Variants in RANBP17 observed in about 807,000 individuals in gnomAD.
The protein encoded by RANBP17 is ran-binding protein 17.
A neutral mutation model predicts 141.2 loss-of-function variants in RANBP17; 158 were observed. The observed-to-expected ratio is 1.12, with a 90% CI of 0.98 to 1.28. RANBP17 has a LOEUF of 1.28. RANBP17 is among the 50% of genes most tolerant of loss of function. The pLI is 0.00. For synonymous variants in RANBP17, 430 were observed against 450.0 expected (o/e 0.96, Z 0.56); for missense variants, 1,438 against 1,290.7 (o/e 1.11, Z -1.75).
At chr5:171,000,658 G>A (rs182106957) in intron 14 of RANBP17, among the ~76,000 whole-genome samples, 3 of 152,232 alleles carry the variant, frequency 2.0e-5, no homozygotes, top group East Asian at 1.9e-4. Flanking sequence ...GGGTGCAGGC[G>A]GGCTGAGTCT....
intron 19 of RANBP17, among the ~76,000 whole-genome samples, chr5:171,201,505 T>C (rs1004456790): frequency 9.2e-5 from 14 of 152,234 alleles, no homozygotes; most frequent in Non-Finnish European, 1.8e-4. Context: ...TAAATGTTCA[T>C]CAAAAGACGC....
At chr5:171,293,226 G>A (rs1210066303) in intron 25 of RANBP17, among the ~76,000 whole-genome samples, 3 of 152,162 alleles carry the variant, frequency 2.0e-5, no homozygotes, top group Admixed American at 6.5e-5. Context: ...TCCCCCAGGA[G>A]GTTTCAAACT....
intron 5 of RANBP17, chr5:170,903,999 C>T: frequency 2.1e-6 from 1 of 483,506 alleles, no homozygotes; most frequent in East Asian, 5.2e-5. Flanking sequence ...AAGATTGGAT[C>T]AGATGTTTTC....
intron 14 of RANBP17, among the ~76,000 whole-genome samples, chr5:171,105,516 G>A (rs910197779): frequency 5.3e-5 from 8 of 151,682 alleles, no homozygotes; most frequent in African/African-American, 1.9e-4. Context: ...AGGGAACATA[G>A]CAAAAACCTG....
intron 14 of RANBP17, among the ~76,000 whole-genome samples, chr5:171,139,255 C>A (rs1277216698): frequency 6.6e-6 from 1 of 152,070 alleles, no homozygotes; most frequent in Non-Finnish European, 1.5e-5. Context: ...CCTCATTTGG[C>A]AGATTAGAAT....
intron 14 of RANBP17, among the ~76,000 whole-genome samples, chr5:171,051,199 G>A (rs1782928444): frequency 5.3e-5 from 8 of 152,030 alleles, no homozygotes; most frequent in Admixed American, 5.2e-4. Context: ...GTAAGTTTAT[G>A]TATTTTGCTG....
intron 14 of RANBP17, among the ~76,000 whole-genome samples, chr5:171,087,256 C>G (rs1313389476): frequency 6.6e-6 from 1 of 152,174 alleles, no homozygotes; most frequent in African/African-American, 2.4e-5. Flanking sequence ...TGTTCAGTTT[C>G]CATGTAGTTG....
rs551142246 is a variant in RANBP17, at chr5:170,964,595, T to C, written c.1575-3647T>C. On this transcript the variant is annotated intron_variant, in intron 13 of 27. Coordinates refer to ENST00000523189, the MANE Select transcript of RANBP17 (RefSeq NM_022897.5). ...ACAGAGTGTGATGTTCCCCTTCCTG[T>C]GTCCATGTGTTCCCATTGTTCAATT... Among the ~76,000 whole-genome samples, 26 of 152,260 alleles carry C rather than the reference T, an allele frequency of 1.7e-4. No individual in the cohort carries two copies. The South Asian group carries it at 5.4e-3, about 32-fold the overall frequency.
intron 14 of RANBP17, 115 bp from the exon 15 acceptor site, chr5:171,170,013 TCC>T (rs1320163730): frequency 2.2e-6 from 1 of 457,756 alleles, no homozygotes; most frequent in African/African-American, 2.0e-5. Flanking sequence ...TCCCACCCAC[TCC>T]CTACTTCAGT....
chr5:171,148,369 A>G (rs1758216834), intron 14 of RANBP17, among the ~76,000 whole-genome samples: 1 of 152,060 alleles, frequency 6.6e-6, no homozygotes, highest in Admixed American at 6.5e-5. Context: ...TGTGAGAAAC[A>G]CCCAAGAATT....
intron 18 of RANBP17, among the ~76,000 whole-genome samples, chr5:171,188,962 T>G (rs537212087): frequency 1.3e-5 from 2 of 152,370 alleles, no homozygotes; most frequent in South Asian, 4.1e-4. Context: ...TAAACACATA[T>G]AATTTGAATA....
At chr5:171,076,830 A>G (rs932166203) in intron 14 of RANBP17, among the ~76,000 whole-genome samples, 11 of 152,170 alleles carry the variant, frequency 7.2e-5, no homozygotes, top group Non-Finnish European at 1.2e-4. Flanking sequence ...GATATTAGGG[A>G]AAAAAATCCA....
At chr5:171,051,060 T>G (rs747521301) in intron 14 of RANBP17, among the ~76,000 whole-genome samples, 2 of 152,176 alleles carry the variant, frequency 1.3e-5, no homozygotes, top group Non-Finnish European at 2.9e-5. Flanking sequence ...TGGATTGTTA[T>G]TCCCCTCTAT....
In RANBP17 at chr5:170,919,585, C is replaced by T. The variant is rs200032818; in HGVS notation, c.1246C>T (p.Arg416Trp). The T allele has an allele frequency of 3.1e-5, 50 of 1,603,794 alleles. No homozygotes were observed. The highest frequency in any genetic ancestry group is 2.1e-4 in the Admixed American group (12 of 57,032). Residue 416 changes from arginine (R) to tryptophan (W), a missense_variant, in exon 11 of 28, where the codon CGG (arginine) becomes TGG (tryptophan). Physicochemically the swap from Arg to Trp is moderately radical, Grantham distance 101 (BLOSUM62 -3). Coordinates refer to ENST00000523189, the MANE Select transcript of RANBP17 (RefSeq NM_022897.5). The part of the protein sequence containing the change: ...PEITKAFITS[R>W]LDSVAIVVRD... ...AATCACGAAGGCCTTTATCACTTCT[C>T]GGTTGGACTCTGTTGCCATAGTTGT...
At chr5:171,148,263 G>C (rs1047713968) in intron 14 of RANBP17, among the ~76,000 whole-genome samples, 1 of 152,130 alleles carries the variant, frequency 6.6e-6, no homozygotes, top group African/African-American at 2.4e-5. Flanking sequence ...GAAGGCCGCA[G>C]GTTCCTCTGC....
rs191590227 is a variant in RANBP17 at position 170,914,537 on chromosome 5, T to C, written c.834+297T>C. ...ATATTTTTTTCCTACTCAGTTCCCA[T>C]AGGGCCTAAGTCCAGCAGCTGACCA... On this transcript the variant is annotated intron_variant, in intron 8 of 27. Transcript: ENST00000523189. Among the ~76,000 whole-genome samples the C allele has an allele frequency of 1.5e-3, 226 of 152,208 alleles. 7 individuals carry two copies. The highest frequency in any genetic ancestry group is 0.015 in the Admixed American group (224 of 15,258).
intron 25 of RANBP17, among the ~76,000 whole-genome samples, chr5:171,275,943 A>C (rs1411092759): frequency 5.3e-5 from 8 of 152,220 alleles, no homozygotes; most frequent in Non-Finnish European, 7.3e-5. Flanking sequence ...CAGCTGGTAT[A>C]TGTAGCCTTT....
chr5:170,895,813 G>A (rs1374059475), intron 4 of RANBP17, among the ~76,000 whole-genome samples: 5 of 152,150 alleles, frequency 3.3e-5, no homozygotes, highest in African/African-American at 1.2e-4. Context: ...TAAGGGAGGA[G>A]CTTTTTCCCA....
chr5:170,889,472 C>A (rs750974917), intron 3 of RANBP17, among the ~76,000 whole-genome samples: 35 of 152,106 alleles, frequency 2.3e-4, no homozygotes, highest in African/African-American at 8.2e-4. Flanking sequence ...AACAAAAAAT[C>A]GGAATGAACC....
Sources: gnomAD v4.1 joint callset for allele counts (sites outside exome capture counted in the v4.1 genomes callset) on GRCh38, gnomAD v4.1.1 for gene constraint, MANE v1.5 for transcripts, NCBI Gene and HGNC (gene_info 2026-07-23, HGNC 2026-07-21) for gene names.